The following RABGAP1 variants were observed in gnomAD, a reference collection of about 807,000 sequenced individuals.
The protein encoded by RABGAP1 is rab GTPase-activating protein 1.
Under a neutral mutation model 137.6 loss-of-function variants are expected in RABGAP1, and 23 were observed. The ratio of observed to expected loss-of-function variants is 0.17; its 90% CI spans 0.12 to 0.24. The LOEUF (loss-of-function observed/expected upper bound fraction) is 0.24. Among genes scored for constraint, RABGAP1 ranks in the 10% least tolerant of loss-of-function variants. The pLI is 1.00. For missense variants in RABGAP1, 906 were observed against 1,275.8 expected (o/e 0.71, Z 4.42); for synonymous variants, 451 against 450.7 (o/e 1.00, Z -0.01).
At chr9:123,085,457 A>G (rs964347911) in intron 19 of RABGAP1, among the ~76,000 whole-genome samples, 1 of 152,228 alleles carries the variant, frequency 6.6e-6, no homozygotes, top group Non-Finnish European at 1.5e-5. Flanking sequence ...AACAAACCCA[A>G]TCTTATGCTA....
intron 10 of RABGAP1, among the ~76,000 whole-genome samples, chr9:123,006,925 A>G (rs549910805): frequency 6.6e-6 from 1 of 151,908 alleles, no homozygotes; most frequent in Non-Finnish European, 1.5e-5. Flanking sequence ...AGACTTTATA[A>G]TATGTTTTTA....
intron 13 of RABGAP1, among the ~76,000 whole-genome samples, chr9:123,042,632 A>G (rs1489384547): frequency 6.6e-6 from 1 of 152,210 alleles, no homozygotes; most frequent in East Asian, 1.9e-4. Context: ...GAAGTAGGTC[A>G]GATAGTGAAA....
At chr9:122,948,042 A>AACACACACACACACACACACACACACAC (rs55683114) in intron 1 of RABGAP1, among the ~76,000 whole-genome samples, 1 of 145,958 alleles carries the variant, frequency 6.9e-6, no homozygotes, top group African/African-American at 2.6e-5. Context: ...GAGCCAGGAA[A>AACACACACACACACACACACACACACAC]ACACACACAC....
At chr9:123,027,377 G>C (rs1483737754) in intron 13 of RABGAP1, among the ~76,000 whole-genome samples, 1 of 152,144 alleles carries the variant, frequency 6.6e-6, no homozygotes, top group Non-Finnish European at 1.5e-5. Flanking sequence ...GCCTTCCAAA[G>C]TGCTGGGATT....
At chr9:122,947,366 A>G (rs1564349867) in intron 1 of RABGAP1, among the ~76,000 whole-genome samples, 1 of 152,184 alleles carries the variant, frequency 6.6e-6, no homozygotes, top group Non-Finnish European at 1.5e-5. Flanking sequence ...TAATGGGCAC[A>G]GAGTTAAGAA....
chr9:123,019,548 C>T (rs1268788156), intron 12 of RABGAP1, among the ~76,000 whole-genome samples: 1 of 152,124 alleles, frequency 6.6e-6, no homozygotes, highest in Non-Finnish European at 1.5e-5. Context: ...CTCCTGGGTT[C>T]AAGAAATCTT....
At chr9:123,073,276 T>C (rs981136822) in intron 15 of RABGAP1, among the ~76,000 whole-genome samples, 1 of 152,234 alleles carries the variant, frequency 6.6e-6, no homozygotes, top group South Asian at 2.1e-4. Context: ...TTATCACTGA[T>C]GTCTAATTCC....
chr9:122,988,499 A>AT (rs71388335), intron 4 of RABGAP1, among the ~76,000 whole-genome samples: 26,143 of 143,840 alleles, frequency 0.18, 3,965 homozygotes, highest in African/African-American at 0.42. Context: ...TTTATTCATG[A>AT]TTTTTTTTTT....
At position 122,969,683 on chromosome 9, in the gene RABGAP1, T is replaced by C. The variant is rs188189974; in HGVS notation, c.150+12474T>C. 4.6e-5 allele frequency among the ~76,000 whole-genome samples: 7 copies of C among 152,298 alleles called. No homozygotes were observed. The East Asian group carries it at 1.4e-3, about 29-fold the overall frequency. On this transcript the variant is annotated intron_variant, in intron 2 of 25. Coordinates refer to ENST00000373647, the MANE Select transcript of RABGAP1 (RefSeq NM_012197.4). ...AGATTTGTAGAGCATCTTATCTATC[T>C]TCCTAACACATTTTTTTTGCCATTT...
At chr9:123,047,927 T>A (rs866272450) in intron 13 of RABGAP1, among the ~76,000 whole-genome samples, 3 of 61,070 alleles carry the variant, frequency 4.9e-5, no homozygotes, top group African/African-American at 2.8e-4. Context: ...GGGTTTTTTT[T>A]TTTTTTTTTT....
chr9:122,964,095 A>G (rs1161306886), intron 2 of RABGAP1, among the ~76,000 whole-genome samples: 2 of 152,132 alleles, frequency 1.3e-5, no homozygotes, highest in Non-Finnish European at 2.9e-5. Flanking sequence ...CCCCAAAGAA[A>G]CCCTGGACTC....
intron 10 of RABGAP1, among the ~76,000 whole-genome samples, chr9:123,004,702 A>G (rs1588253439): frequency 6.6e-6 from 1 of 152,322 alleles, no homozygotes; most frequent in Non-Finnish European, 1.5e-5. Flanking sequence ...TAAAATATTT[A>G]TATGCATATA....
intron 13 of RABGAP1, among the ~76,000 whole-genome samples, chr9:123,053,041 C>T (rs2033554543): frequency 6.6e-6 from 1 of 152,200 alleles, no homozygotes; most frequent in Non-Finnish European, 1.5e-5. Flanking sequence ...GAATACTATA[C>T]ACACCTTCAT....
chr9:123,048,696 C>T (rs974106532), intron 13 of RABGAP1, among the ~76,000 whole-genome samples: 7 of 152,168 alleles, frequency 4.6e-5, no homozygotes, highest in African/African-American at 1.7e-4. Context: ...TCTTAGTTCA[C>T]CCATAAATTA....
chr9:123,002,880 C>T (rs79755830), intron 10 of RABGAP1, among the ~76,000 whole-genome samples: 6 of 152,146 alleles, frequency 3.9e-5, no homozygotes, highest in Admixed American at 2.6e-4. Context: ...AAACTTAAGC[C>T]GAGTTTTCAC....
intron 13 of RABGAP1, among the ~76,000 whole-genome samples, chr9:123,026,458 C>A (rs1424786398): frequency 6.6e-6 from 1 of 152,186 alleles, no homozygotes; most frequent in Admixed American, 6.5e-5. Context: ...GAATAAGTTA[C>A]ATAATCTATC....
intron 21 of RABGAP1, among the ~76,000 whole-genome samples, chr9:123,093,459 T>C (rs1375298202): frequency 1.3e-5 from 2 of 152,230 alleles, no homozygotes; most frequent in Admixed American, 1.3e-4. Flanking sequence ...TCCTCTGTGT[T>C]GAGACAGACA....
intron 1 of RABGAP1, among the ~76,000 whole-genome samples, chr9:122,953,103 A>G (rs1410729795): frequency 6.6e-6 from 1 of 152,248 alleles, no homozygotes; most frequent in African/African-American, 2.4e-5. Flanking sequence ...TTCCCGACTA[A>G]CAATCAAATT....
upstream of RABGAP1, chr9:122,940,226 T>C (rs746389487): frequency 1.3e-5 from 2 of 152,238 alleles, no homozygotes; most frequent in African/African-American, 2.4e-5. Flanking sequence ...CCAACTGCAT[T>C]GTACATTCAT....
Sources: gnomAD v4.1 joint callset for allele counts (sites outside exome capture counted in the v4.1 genomes callset) on GRCh38, gnomAD v4.1.1 for gene constraint, MANE v1.5 for transcripts, NCBI Gene and HGNC (gene_info 2026-07-23, HGNC 2026-07-21) for gene names.